The following TAOK1 variants were observed in gnomAD, a reference collection of about 807,000 sequenced individuals.
TAOK1 encodes TAO kinase 1.
A neutral mutation model predicts 138.3 loss-of-function variants in TAOK1; 21 were observed. The observed-to-expected ratio is 0.15, with a 90% CI of 0.11 to 0.22. The LOEUF is 0.22. TAOK1 is among the 10% of genes least tolerant of loss of function. TAOK1 has a pLI of 1.00. For missense variants in TAOK1, 651 were observed against 1,227.7 expected (o/e 0.53, Z 7.02); for synonymous variants, 361 against 398.4 (o/e 0.91, Z 1.12).
chr17:29,404,668 TG>T (rs1288373745), intron 1 of TAOK1, among the ~76,000 whole-genome samples: 1 of 152,028 alleles, frequency 6.6e-6, no homozygotes, highest in African/African-American at 2.4e-5. Context: ...CATGTGCCTG[TG>T]GTCCCAGCTA....
chr17:29,495,569 G>A lies in TAOK1; in HGVS notation c.841G>A (p.Val281Ile), dbSNP rs1334395270. 1.9e-6 allele frequency: 3 copies of A among 1,597,786 alleles called. No homozygotes were observed. Among genetic ancestry groups the A allele is most frequent in the Admixed American group, 1.7e-5 (1 of 58,732 alleles). The change falls in exon 11 of 20, where the codon GTT becomes ATT. Residue 281 changes from valine (V) to isoleucine (I), a missense_variant. Physicochemically the swap from Val to Ile is conservative, Grantham distance 29 (BLOSUM62 3). Coordinates refer to ENST00000261716, the MANE Select transcript of TAOK1 (RefSeq NM_020791.4). Reference protein sequence around the residue: ...TSEELLKHIFVLRERPETVLI... With the variant: ...TSEELLKHIFILRERPETVLI... ...CTTCTACCCTATCTAGCACATATTT[G>A]TTCTTCGGGAGCGCCCTGAAACCGT...
rs1396759534 is a variant in TAOK1 at position 29,551,416 on chromosome 17, T to A, written c.*8394T>A. On this transcript the variant is annotated 3_prime_UTR_variant, in exon 20 of 20. Coordinates refer to ENST00000261716, the MANE Select transcript of TAOK1 (RefSeq NM_020791.4). ...TTCATAGTGGACAAAGAACTTGTGG[T>A]CTTTTAAAACTGGGACTGATACTTT... 6.6e-6 allele frequency: 1 copy of A among 152,180 alleles called. No homozygotes were observed. The highest frequency in any genetic ancestry group is 1.5e-5 in the Non-Finnish European group (1 of 68,020). The allele number at this position is 152,180 out of a possible 1,614,324, so 9.4% of individuals were successfully genotyped here. A position where few individuals can be genotyped will look rare whatever the true frequency, so the allele number is the denominator to read the frequency against.
chr17:29,493,921 T>A lies in TAOK1; in HGVS notation c.832-1639T>A, dbSNP rs539010933. On this transcript the variant is annotated intron_variant, in intron 10 of 19. Coordinates refer to ENST00000261716, the MANE Select transcript of TAOK1 (RefSeq NM_020791.4). ...TGAGTTTGAAATAATAATAATTATT[T>A]TTTTTTTGTTTTTGAGACAGAGTCT... 3.9e-5 allele frequency among the ~76,000 whole-genome samples: 6 copies of A among 152,136 alleles called. No individual in the cohort carries two copies. In the East Asian group the frequency reaches 9.7e-4, roughly 25 times the overall value.
rs973067199 is a variant in TAOK1 at position 29,510,804 on chromosome 17, T to C, written c.1576-60T>C. On this transcript the variant is annotated intron_variant, in intron 14 of 19. Transcript: ENST00000261716. ...AATAAAAGGTATTCTTAATGATGTA[T>C]ATTAAACCACTACTTTATCTACTTA... is the stretch of plus-strand genomic sequence containing the variant. The C allele has an allele frequency of 2.3e-6, 3 of 1,285,930 alleles. No homozygotes were observed. The African/African-American group carries it at 4.5e-5, about 19-fold the overall frequency. 79.7% of individuals were successfully genotyped at this position (1,285,930 alleles called of 1,614,324 possible). A position where few individuals can be genotyped will look rare whatever the true frequency, so the allele number is the denominator to read the frequency against.
chr17:29,522,570 C>T (rs776366999), intron 17 of TAOK1, 51 bp downstream of exon 17: 14 of 1,599,754 alleles, frequency 8.8e-6, no homozygotes, highest in African/African-American at 1.3e-5. Context: ...GAAAAGGTAT[C>T]CATGTAAGCA....
chr17:29,517,671 T>C lies in TAOK1; in HGVS notation c.1908+15T>C. 3 of 1,582,372 alleles carry C rather than the reference T, an allele frequency of 1.9e-6. No homozygotes were observed. The highest frequency in any genetic ancestry group is 2.2e-5 in the East Asian group (1 of 44,542). The stretch of plus-strand genomic sequence containing the variant: ...TTGTCAGGGAGGTAAGTTTGAGTGA[T>C]GAGAAATTTTAAATCCTTTATCAAA... On this transcript the variant is annotated intron_variant, in intron 16 of 19. Transcript: ENST00000261716.
At chr17:29,394,983 C>T (rs1904550801) in intron 1 of TAOK1, among the ~76,000 whole-genome samples, 2 of 151,516 alleles carry the variant, frequency 1.3e-5, no homozygotes, top group Admixed American at 1.3e-4. Flanking sequence ...TGGTTTATGC[C>T]TATAATCCCA....
intron 1 of TAOK1, among the ~76,000 whole-genome samples, chr17:29,437,957 C>T (rs1435314366): frequency 1.3e-5 from 2 of 152,022 alleles, no homozygotes; most frequent in African/African-American, 2.4e-5. Context: ...TGGTCTCGGC[C>T]TCCTGACCTT....
Position 29,534,118 on chromosome 17 carries a change from C to T in TAOK1, c.2362C>T (p.Leu788=), listed in dbSNP as rs915161873. ...SINEMLSTQA[L]RLDEAQEAEC... is the part of the protein sequence containing the mutation. ...TTTTCTCTCTCTCTCTCTGTCTCAG[C>T]TGCGTTTGGATGAAGCACAGGAAGC... The change falls in exon 19 of 20, where the codon CTG becomes TTG. Residue 788 remains leucine (L), a splice_region_variant and synonymous_variant. Coordinates refer to ENST00000261716, the MANE Select transcript of TAOK1 (RefSeq NM_020791.4). 4 of 1,596,634 alleles carry T rather than the reference C, an allele frequency of 2.5e-6. No individual in the cohort carries two copies. Among genetic ancestry groups the T allele is most frequent in the Non-Finnish European group, 2.6e-6 (3 of 1,172,898 alleles).
chr17:29,495,847 C>A, intron 11 of TAOK1, 120 bp downstream of exon 11: 1 of 799,324 alleles, frequency 1.3e-6, no homozygotes, highest in Non-Finnish European at 1.8e-6. Flanking sequence ...ATTTTCTCAA[C>A]ACTGGTCCTA....
intron 3 of TAOK1, among the ~76,000 whole-genome samples, chr17:29,473,018 C>T (rs563837823): frequency 6.6e-5 from 10 of 152,290 alleles, no homozygotes; most frequent in South Asian, 6.2e-4. Context: ...GCTAGGTACA[C>T]GGGCAAAGAC....
chr17:29,406,471 G>GAACT (rs1904994066), intron 1 of TAOK1, among the ~76,000 whole-genome samples: 1 of 152,108 alleles, frequency 6.6e-6, no homozygotes, highest in South Asian at 2.1e-4. Flanking sequence ...ATGTGATTTG[G>GAACT]GATGGGTATT....
At chr17:29,447,325 C>T (rs999843564) in intron 1 of TAOK1, among the ~76,000 whole-genome samples, 1 of 152,014 alleles carries the variant, frequency 6.6e-6, no homozygotes, top group Non-Finnish European at 1.5e-5. Flanking sequence ...AAGTTTCAAA[C>T]TTTTTAAAAG....
chr17:29,425,088 G>C (rs1905592255), intron 1 of TAOK1, among the ~76,000 whole-genome samples: 1 of 152,068 alleles, frequency 6.6e-6, no homozygotes, highest in Admixed American at 6.6e-5. Flanking sequence ...TTGGTTTTTT[G>C]AGGTAGAATC....
In TAOK1 at chr17:29,390,531, G is replaced by A. The variant is rs1440149516; in HGVS notation, c.-588G>A. On this transcript the variant is annotated 5_prime_UTR_variant, in exon 1 of 20. Coordinates refer to ENST00000261716, the MANE Select transcript of TAOK1 (RefSeq NM_020791.4). The stretch of plus-strand genomic sequence containing the variant: ...CACTCGCGAACATCTGAGGCCTCCC[G>A]GCCCCGGGGGACCCCGCCCCGCCGT... 2 of 152,518 alleles carry A rather than the reference G, an allele frequency of 1.3e-5. No homozygotes were observed. The highest frequency in any genetic ancestry group is 2.9e-5 in the Non-Finnish European group (2 of 68,394). 9.4% of individuals were successfully genotyped at this position (152,518 alleles called of 1,614,324 possible). A position where few individuals can be genotyped will look rare whatever the true frequency, so the allele number is the denominator to read the frequency against.
At chr17:29,462,943 T>A (rs142602185) in intron 2 of TAOK1, among the ~76,000 whole-genome samples, 60 of 152,316 alleles carry the variant, frequency 3.9e-4, no homozygotes, top group African/African-American at 1.4e-3. Flanking sequence ...TGTGTAGTAT[T>A]GTGTTCTTTG....
At chr17:29,395,646 C>CTTTT (rs10591199) in intron 1 of TAOK1, among the ~76,000 whole-genome samples, 1 of 129,762 alleles carries the variant, frequency 7.7e-6, no homozygotes, top group African/African-American at 2.9e-5. Flanking sequence ...GGTATGTGTA[C>CTTTT]TTTTTTTTTT....
At chr17:29,455,131 G>A (rs2153024564) in intron 2 of TAOK1, among the ~76,000 whole-genome samples, 1 of 151,966 alleles carries the variant, frequency 6.6e-6, no homozygotes, top group South Asian at 2.1e-4. Flanking sequence ...GGCTGGTCTT[G>A]AACTCCTGAC....
chr17:29,500,174 C>T (rs2153028451), intron 12 of TAOK1, among the ~76,000 whole-genome samples: 1 of 152,050 alleles, frequency 6.6e-6, no homozygotes, highest in East Asian at 1.9e-4. Context: ...ATTAGCTCGG[C>T]ATGGTGGTGC....
Sources: allele counts gnomAD v4.1 joint callset (sites outside exome capture counted in the v4.1 genomes callset), GRCh38; gene constraint gnomAD v4.1.1; transcripts MANE v1.5; gene names NCBI Gene and HGNC (gene_info 2026-07-23, HGNC 2026-07-21).